The following CENPM variants were observed in gnomAD, a reference collection of about 807,000 sequenced individuals.
The protein encoded by CENPM is centromere protein M, also known as interphase centromere complex protein 39.
CENPM carries 14 observed loss-of-function variants against 19.6 expected under a neutral mutation model. The ratio of observed to expected loss-of-function variants is 0.71; its 90% CI spans 0.47 to 1.11. The LOEUF (loss-of-function observed/expected upper bound fraction) is 1.11, where lower values mean the gene tolerates loss of function less well. CENPM is among the 50% of genes most tolerant of loss of function. The pLI, the probability that CENPM is intolerant of heterozygous loss-of-function variation, is 0.00. For synonymous variants in CENPM, 114 were observed against 101.5 expected, an observed-to-expected ratio of 1.12 and a Z score of -0.74; for missense variants, 239 against 228.4, an observed-to-expected ratio of 1.05 and a Z score of -0.30.
At position 41,947,126 on chromosome 22, in the gene CENPM, A is replaced by G; in HGVS notation, c.-50T>C. On this transcript the variant is annotated 5_prime_UTR_variant, in exon 1 of 6. Coordinates refer to ENST00000215980, the MANE Select transcript of CENPM (RefSeq NM_024053.5). ...TCCTGCGGTGCGCGCCGATCTTTCA[A>G]ACCGCCCTGAGTCCAGCCCCTAGAG... 6.3e-7 allele frequency: 1 copy of G among 1,589,156 alleles called. No homozygotes were observed. The highest frequency in any genetic ancestry group is 2.3e-5 in the East Asian group (1 of 44,404).
chr22:41,938,728 T>A (rs543429920), downstream of CENPM: 5 of 253,082 alleles, frequency 2.0e-5, no homozygotes, highest in South Asian at 4.6e-4. Flanking sequence ...AAGTGGTGAA[T>A]GAGACCAGTG....
At chr22:41,942,015 G>C (rs752734400) in intron 5 of CENPM, among the ~76,000 whole-genome samples, 2 of 152,200 alleles carry the variant, frequency 1.3e-5, no homozygotes, top group African/African-American at 4.8e-5. Context: ...ACCAGGATAA[G>C]GGACCCTGGT....
At chr22:41,946,851 C>T in intron 1 of CENPM, 169 bp downstream of exon 1, 1 of 659,254 alleles carries the variant, frequency 1.5e-6, no homozygotes, top group Non-Finnish European at 2.7e-6. Context: ...CCCTCAACCT[C>T]AGAGAGCGGC....
rs1284036852 is a variant in CENPM, at chr22:41,938,927, C to A, written c.*129G>T. 1.6e-6 allele frequency: 2 copies of A among 1,275,210 alleles called. No homozygotes were observed. The highest frequency in any genetic ancestry group is 2.2e-6 in the Non-Finnish European group (2 of 919,718). 79.0% of individuals were successfully genotyped at this position (1,275,210 alleles called of 1,614,324 possible). On this transcript the variant is annotated 3_prime_UTR_variant, in exon 6 of 6. Coordinates refer to ENST00000215980, the MANE Select transcript of CENPM (RefSeq NM_024053.5). The stretch of plus-strand genomic sequence containing the variant: ...TCTCCCTGCTGCAGCACTGGCACTG[C>A]AGGGAACCTTCCCAGCCACGGCGGG...
At chr22:41,940,092 C>T in intron 5 of CENPM, 1 of 737,756 alleles carries the variant, frequency 1.4e-6, no homozygotes, top group South Asian at 1.5e-5. Context: ...CCACCCCAAC[C>T]CGCCCTTTGC....
the CENPM span, among the ~76,000 whole-genome samples, chr22:41,932,071 G>A: frequency 6.6e-5 from 10 of 152,260 alleles, no homozygotes; most frequent in African/African-American, 1.9e-4. The surrounding 1 kb of genome is among the most constrained non-coding windows in gnomAD (Gnocchi z 4.3). Context: ...CCTCGTGTAG[G>A]TGTACACACA....
chr22:41,933,996 G>A (rs1193506814), downstream of CENPM, among the ~76,000 whole-genome samples: 1 of 152,220 alleles, frequency 6.6e-6, no homozygotes, highest in African/African-American at 2.4e-5. Flanking sequence ...CACAAGACCT[G>A]AAAAGGGGGG....
intron 3 of CENPM, 186 bp from the exon 4 acceptor site, chr22:41,945,490 G>A: frequency 1.6e-6 from 2 of 1,247,844 alleles, no homozygotes; most frequent in Non-Finnish European, 2.1e-6. Context: ...TCACTTTGTT[G>A]CCCAGGCTGG....
At chr22:41,938,089 G>A (rs1007958261), downstream of CENPM, among the ~76,000 whole-genome samples, 7 of 148,434 alleles carry the variant, frequency 4.7e-5, no homozygotes, top group South Asian at 4.2e-4. Context: ...TGATCTGCCC[G>A]CCTCGGCCTC....
At chr22:41,931,768 A>G in the CENPM span, among the ~76,000 whole-genome samples, 4 of 152,052 alleles carry the variant, frequency 2.6e-5, no homozygotes, top group Admixed American at 2.0e-4. Context: ...GGAAAGTGAG[A>G]GCACTCTGGG....
intron 5 of CENPM, among the ~76,000 whole-genome samples, chr22:41,939,741 G>A (rs907673538): frequency 1.1e-5 from 1 of 89,982 alleles, no homozygotes; most frequent in African/African-American, 4.6e-5. Flanking sequence ...AGACACGTCC[G>A]CTGGAAGAAC....
intron 4 of CENPM, chr22:41,944,806 C>T (rs1180682007): frequency 4.9e-6 from 5 of 1,010,762 alleles, no homozygotes; most frequent in Non-Finnish European, 5.9e-6. Flanking sequence ...TGGATTTTAC[C>T]GAAAGCCACA....
At chr22:41,929,735 G>A in the CENPM span, among the ~76,000 whole-genome samples, 943 of 151,728 alleles carry the variant, frequency 6.2e-3, 9 homozygotes, top group Middle Eastern at 0.017. Flanking sequence ...AAAGGCCTGC[G>A]GGATTCGTGT....
downstream of CENPM, among the ~76,000 whole-genome samples, chr22:41,934,035 G>C (rs1306564783): frequency 6.6e-6 from 1 of 152,220 alleles, no homozygotes; most frequent in Non-Finnish European, 1.5e-5. Flanking sequence ...GAGGGAAGTG[G>C]GCTGCCCCAA....
At chr22:41,942,575 C>T (rs1414838583) in intron 5 of CENPM, among the ~76,000 whole-genome samples, 1 of 151,920 alleles carries the variant, frequency 6.6e-6, no homozygotes, top group East Asian at 1.9e-4. Flanking sequence ...ACGGTGAAAC[C>T]CCGTCTCTAC....
downstream of CENPM, among the ~76,000 whole-genome samples, chr22:41,935,860 G>A (rs1312433199): frequency 6.6e-6 from 1 of 151,682 alleles, no homozygotes; most frequent in African/African-American, 2.4e-5. Flanking sequence ...CCTGGCCAGT[G>A]GAGATGCCCA....
the CENPM span, among the ~76,000 whole-genome samples, chr22:41,929,059 AAGG>A: frequency 6.7e-6 from 1 of 149,946 alleles, no homozygotes; most frequent in Non-Finnish European, 1.5e-5. Flanking sequence ...GGGAGCTGCA[AAGG>A]AGAAGTGGGG....
chr22:41,939,786 GAA>G (rs1451967963), intron 5 of CENPM, among the ~76,000 whole-genome samples: 1 of 33,772 alleles, frequency 3.0e-5, no homozygotes, highest in African/African-American at 1.1e-4. Flanking sequence ...AAAAAAGAAA[GAA>G]AAAGAAAGAA....
downstream of CENPM, among the ~76,000 whole-genome samples, chr22:41,936,632 CAG>C (rs2077685027): frequency 6.6e-6 from 1 of 152,192 alleles, no homozygotes; most frequent in Admixed American, 6.5e-5. Flanking sequence ...GACATCAAAG[CAG>C]AGAGGCCTTA....
Sources: gnomAD v4.1 joint callset for allele counts (sites outside exome capture counted in the v4.1 genomes callset) on GRCh38, gnomAD v4.1.1 for gene constraint, Gnocchi (gnomAD v3.1) non-coding constraint, MANE v1.5 for transcripts, NCBI Gene and HGNC (gene_info 2026-07-23, HGNC 2026-07-21) for gene names.